The following LAMA3 variants were observed in gnomAD, a reference collection of about 807,000 sequenced individuals.
LAMA3 encodes laminin subunit alpha 3, also known as laminin subunit alpha-3.
Under a neutral mutation model 402.0 loss-of-function variants are expected in LAMA3, and 281 were observed. The ratio of observed to expected loss-of-function variants is 0.70; its 90% CI spans 0.63 to 0.77. LAMA3 has a LOEUF of 0.77. Among genes scored for constraint, LAMA3 ranks in the 30% least tolerant of loss-of-function variants. LAMA3 has a pLI of 0.00. For synonymous variants in LAMA3, 1,431 were observed against 1,558.4 expected, an observed-to-expected ratio of 0.92 and a Z score of 1.93; for missense variants, 3,840 against 4,215.5, an observed-to-expected ratio of 0.91 and a Z score of 2.47.
chr18:23,912,943 T>G, intron 56 of LAMA3, 62 bp downstream of exon 56: 1 of 1,458,022 alleles, frequency 6.9e-7, no homozygotes, highest in South Asian at 1.1e-5. Flanking sequence ...GGTGTGCTTT[T>G]GAGATGTGTG....
intron 59 of LAMA3, 82 bp downstream of exon 59, chr18:23,915,504 C>A: frequency 1.5e-6 from 2 of 1,325,166 alleles, no homozygotes; most frequent in South Asian, 1.2e-5. Flanking sequence ...AAAGGATGGG[C>A]CAGTGAGATG....
chr18:23,923,547 C>T (rs1186819663), intron 62 of LAMA3, among the ~76,000 whole-genome samples: 2 of 152,172 alleles, frequency 1.3e-5, no homozygotes, highest in African/African-American at 2.4e-5. Context: ...AACACACCAA[C>T]GGAGGAGTGG....
chr18:23,743,619 C>T (rs942600480), intron 2 of LAMA3, among the ~76,000 whole-genome samples: 1 of 152,214 alleles, frequency 6.6e-6, no homozygotes, highest in Non-Finnish European at 1.5e-5. Flanking sequence ...CTTGTCTTCC[C>T]TACTCACCCT....
At chr18:23,809,430 C>T (rs2063023519) in intron 12 of LAMA3, among the ~76,000 whole-genome samples, 1 of 152,176 alleles carries the variant, frequency 6.6e-6, no homozygotes, top group Admixed American at 6.5e-5. Flanking sequence ...CAATGAGATG[C>T]TCTCTCTAGT....
At chr18:23,771,821 A>G (rs1382085275) in intron 8 of LAMA3, among the ~76,000 whole-genome samples, 1 of 152,232 alleles carries the variant, frequency 6.6e-6, no homozygotes, top group Admixed American at 6.5e-5. Context: ...GGAATTTTTC[A>G]AGATAAAATG....
intron 2 of LAMA3, among the ~76,000 whole-genome samples, chr18:23,720,502 G>C (rs905240482): frequency 7.2e-5 from 11 of 151,804 alleles, no homozygotes; most frequent in Non-Finnish European, 1.5e-4. Context: ...CTACAGGCAC[G>C]GACCACCACA....
chr18:23,784,485 C>G (rs1434431887), intron 12 of LAMA3, among the ~76,000 whole-genome samples: 1 of 152,060 alleles, frequency 6.6e-6, no homozygotes, highest in Non-Finnish European at 1.5e-5. Flanking sequence ...GGGCGGGTCT[C>G]CAGATGCCAG....
intron 8 of LAMA3, among the ~76,000 whole-genome samples, chr18:23,766,909 T>C (rs564391028): frequency 6.6e-6 from 1 of 152,066 alleles, no homozygotes; most frequent in South Asian, 2.1e-4. Context: ...GACATTCAAA[T>C]AGCAAAAGAA....
At chr18:23,931,245 C>T in intron 65 of LAMA3, 44 bp downstream of exon 65, 1 of 1,581,402 alleles carries the variant, frequency 6.3e-7, no homozygotes, top group Non-Finnish European at 8.7e-7. Context: ...GTGAGTTTTA[C>T]TCTCTTTCGT....
intron 52 of LAMA3, among the ~76,000 whole-genome samples, chr18:23,906,865 C>A (rs140780409): frequency 1.3e-5 from 2 of 152,152 alleles, no homozygotes; most frequent in Non-Finnish European, 1.5e-5. Context: ...GTCCTGGAAT[C>A]GTAATTGAAG....
At chr18:23,851,157 T>C (rs2063935158) in intron 32 of LAMA3, among the ~76,000 whole-genome samples, 1 of 152,188 alleles carries the variant, frequency 6.6e-6, no homozygotes, top group South Asian at 2.1e-4. Flanking sequence ...TTGATGCACT[T>C]CATCAAATAA....
At chr18:23,941,322 T>G in intron 68 of LAMA3, among the ~76,000 whole-genome samples, 1 of 13,828 alleles carries the variant, frequency 7.2e-5, no homozygotes, top group Admixed American at 1.0e-3. Flanking sequence ...TCCATCAGCT[T>G]GGCGCCCCCC....
chr18:23,826,586 TTAAC>T, intron 21 of LAMA3, 112 bp from the exon 22 acceptor site: 1 of 794,248 alleles, frequency 1.3e-6, no homozygotes, highest in Non-Finnish European at 2.2e-6. Context: ...TATGGAGAGT[TTAAC>T]TAGCGACTTC....
chr18:23,740,794 T>A (rs181362518), intron 2 of LAMA3, among the ~76,000 whole-genome samples: 128 of 152,220 alleles, frequency 8.4e-4, no homozygotes, highest in African/African-American at 2.9e-3. Flanking sequence ...TGAGTTCCCC[T>A]CAGAATGAGA....
At chr18:23,832,617 A>T (rs2063509111) in intron 23 of LAMA3, among the ~76,000 whole-genome samples, 1 of 152,130 alleles carries the variant, frequency 6.6e-6, no homozygotes. Context: ...CAGCAATTCC[A>T]CTTCTAGGAA....
At chr18:23,869,492 C>T (rs1009564381) in intron 37 of LAMA3, among the ~76,000 whole-genome samples, 32 of 151,998 alleles carry the variant, frequency 2.1e-4, no homozygotes, top group African/African-American at 4.8e-4. Context: ...TGCATGCTTC[C>T]GTAAATTTAT....
At chr18:23,886,989 T>G (rs891356972) in intron 41 of LAMA3, among the ~76,000 whole-genome samples, 3 of 152,242 alleles carry the variant, frequency 2.0e-5, no homozygotes, top group Non-Finnish European at 4.4e-5. Flanking sequence ...CCCAATTCTA[T>G]GGCAAAAGAT....
chr18:23,786,085 T>A (rs1488158232), intron 12 of LAMA3, among the ~76,000 whole-genome samples: 1 of 152,172 alleles, frequency 6.6e-6, no homozygotes, highest in African/African-American at 2.4e-5. Flanking sequence ...TTTAAAAAAT[T>A]GTTTGAAGTC....
At position 23,876,361 on chromosome 18, in the gene LAMA3, G is replaced by A. The variant is rs773922925; in HGVS notation, c.5066G>A (p.Cys1689Tyr). The change falls in exon 39 of 75, where the codon TGC (cysteine) becomes TAC (tyrosine). Residue 1689 changes from cysteine to tyrosine, a missense_variant. This residue lies in a region of LAMA3 where 2,109 missense variants were observed against 2,376.0 expected (regional missense o/e 0.89). Coordinates refer to ENST00000313654, the MANE Select transcript of LAMA3 (RefSeq NM_198129.4). ...LYTGRCVPCNCNGHSNQCQDG... is the reference protein window; with the variant it reads ...LYTGRCVPCNYNGHSNQCQDG... ...ACCGGACGGTGTGTTCCCTGCAATTGCAACGGACATTCAAATCAATGCCAG... is the reference window on the plus strand; with the variant it reads ...ACCGGACGGTGTGTTCCCTGCAATTACAACGGACATTCAAATCAATGCCAG... 1.9e-6 allele frequency: 3 copies of A among 1,614,066 alleles called. No homozygotes were observed. The highest frequency in any genetic ancestry group is 2.5e-6 in the Non-Finnish European group (3 of 1,179,908).
Sources: gnomAD v4.1 joint callset for allele counts (sites outside exome capture counted in the v4.1 genomes callset) on GRCh38, gnomAD v4.1.1 for gene constraint, gnomAD v4.1.1 regional missense constraint, MANE v1.5 for transcripts, NCBI Gene and HGNC (gene_info 2026-07-23, HGNC 2026-07-21) for gene names.